The following ESRRG variants were observed in gnomAD, a reference collection of about 807,000 sequenced individuals.
ESRRG encodes the protein estrogen related receptor gamma.
Under a neutral mutation model 44.0 loss-of-function variants are expected in ESRRG, and 13 were observed. The ratio of observed to expected loss-of-function variants is 0.30; its 90% CI spans 0.19 to 0.47. ESRRG has a LOEUF of 0.47. Among genes scored for constraint, ESRRG ranks in the 20% least tolerant of loss-of-function variants. The pLI is 1.00. For synonymous variants in ESRRG, 215 were observed against 214.6 expected (o/e 1.00, Z -0.02); for missense variants, 395 against 580.6 (o/e 0.68, Z 3.29).
At chr1:216,781,527 T>C (rs745585735) in intron 2 of ESRRG, among the ~76,000 whole-genome samples, 1 of 152,028 alleles carries the variant, frequency 6.6e-6, no homozygotes, top group South Asian at 2.1e-4. Flanking sequence ...TTACGTAATG[T>C]CTTCTGCACT....
At chr1:217,074,040 T>C (rs536875587) in intron 1 of ESRRG, among the ~76,000 whole-genome samples, 1 of 151,720 alleles carries the variant, frequency 6.6e-6, no homozygotes, top group East Asian at 1.9e-4. Context: ...TTAGTGTAAT[T>C]ATGAATGCTT....
At chr1:216,583,096 A>C (rs1198764593) in intron 3 of ESRRG, among the ~76,000 whole-genome samples, 1 of 152,208 alleles carries the variant, frequency 6.6e-6, no homozygotes, top group African/African-American at 2.4e-5. Flanking sequence ...TTTTTCTATC[A>C]ACTTTCAAGA....
intron 3 of ESRRG, among the ~76,000 whole-genome samples, chr1:216,601,874 A>T (rs1040838912): frequency 1.3e-5 from 2 of 152,192 alleles, no homozygotes; most frequent in African/African-American, 2.4e-5. Flanking sequence ...GGAATTTTTA[A>T]AAAGTACCCT....
chr1:216,736,549 G>C (rs1559462192), intron 2 of ESRRG, among the ~76,000 whole-genome samples: 2 of 152,120 alleles, frequency 1.3e-5, no homozygotes, highest in Non-Finnish European at 2.9e-5. Flanking sequence ...TTTAGGGTCA[G>C]AGTAAAAATA....
chr1:216,692,700 C>T (rs2079295476), intron 1 of ESRRG, among the ~76,000 whole-genome samples: 1 of 152,142 alleles, frequency 6.6e-6, no homozygotes, highest in African/African-American at 2.4e-5. Flanking sequence ...AATTTCCAGC[C>T]CTGTAAGCTC....
rs2041381321 is a variant in ESRRG, at chr1:216,507,106, C to T, written c.1210G>A (p.Ala404Thr). ...VLHEALQDYE[A>T]GQHMEDPRRA... The stretch of plus-strand genomic sequence containing the variant: ...CGAGGGTCTTCCATGTGCTGGCCAG[C>T]TTCATAATCCTGCAGCGCTTCATGT... The change falls in exon 7 of 7, where the codon GCT (alanine) becomes ACT (threonine). Residue 404 changes from alanine to threonine, a missense_variant. Ala to Thr is a moderately conservative substitution (Grantham distance 58). Coordinates refer to ENST00000408911, the MANE Select transcript of ESRRG (RefSeq NM_001438.4). The T allele has an allele frequency of 6.2e-7, 1 of 1,613,982 alleles. No individual in the cohort carries two copies. The highest frequency in any genetic ancestry group is 8.5e-7 in the Non-Finnish European group (1 of 1,180,006).
intron 2 of ESRRG, among the ~76,000 whole-genome samples, chr1:216,739,810 T>C (rs2090439105): frequency 6.6e-6 from 1 of 152,192 alleles, no homozygotes; most frequent in Non-Finnish European, 1.5e-5. Flanking sequence ...GATGCGCAAA[T>C]GTTTCAAAAC....
At chr1:217,117,990 A>G (rs1451277687) in intron 1 of ESRRG, among the ~76,000 whole-genome samples, 1 of 152,192 alleles carries the variant, frequency 6.6e-6, no homozygotes, top group Non-Finnish European at 1.5e-5. Flanking sequence ...TGTCACCATA[A>G]AGTCCATATC....
intron 1 of ESRRG, among the ~76,000 whole-genome samples, chr1:217,053,499 A>AAGAAAGAAAGAAAGAAAGAC: frequency 6.9e-6 from 1 of 145,396 alleles, no homozygotes; most frequent in Non-Finnish European, 1.5e-5. Flanking sequence ...GAAAGAAAGA[A>AAGAAAGAAAGAAAGAAAGAC]ATGCCTGCTG....
intron 1 of ESRRG, among the ~76,000 whole-genome samples, chr1:216,686,726 G>A (rs1331493482): frequency 6.6e-6 from 1 of 152,108 alleles, no homozygotes; most frequent in East Asian, 1.9e-4. Flanking sequence ...GACAGAGTAG[G>A]AGACATGGGT....
chr1:217,044,858 C>G (rs1485104411), intron 1 of ESRRG, among the ~76,000 whole-genome samples: 3 of 152,164 alleles, frequency 2.0e-5, no homozygotes, highest in Non-Finnish European at 2.9e-5. Context: ...TATCTACCTT[C>G]TATGCTTGTG....
chr1:216,709,963 T>C (rs1431133995), intron 1 of ESRRG, among the ~76,000 whole-genome samples: 1 of 152,226 alleles, frequency 6.6e-6, no homozygotes, highest in African/African-American at 2.4e-5. Flanking sequence ...TTTTCTCTTC[T>C]GAGAGTCTTA....
At chr1:216,813,022 A>G (rs1350763543) in intron 2 of ESRRG, among the ~76,000 whole-genome samples, 2 of 152,314 alleles carry the variant, frequency 1.3e-5, no homozygotes, top group East Asian at 3.9e-4. Flanking sequence ...TGTGCAGCTG[A>G]ACAGCTGAAT....
At chr1:216,628,959 A>G (rs984926863) in intron 3 of ESRRG, among the ~76,000 whole-genome samples, 3 of 152,026 alleles carry the variant, frequency 2.0e-5, no homozygotes, top group South Asian at 2.1e-4. Flanking sequence ...AGCTTGTGCA[A>G]TGACTGACCT....
intron 1 of ESRRG, among the ~76,000 whole-genome samples, chr1:216,720,914 T>C (rs2086121885): frequency 1.3e-5 from 2 of 152,200 alleles, no homozygotes; most frequent in South Asian, 4.1e-4. Context: ...GTGACAACTG[T>C]TAAAACAGTC....
chr1:216,973,353 T>C (rs2072114579), intron 1 of ESRRG, among the ~76,000 whole-genome samples: 2 of 152,164 alleles, frequency 1.3e-5, no homozygotes, highest in African/African-American at 4.8e-5. Context: ...TCTGCTGTCC[T>C]CGCTTTACTT....
At chr1:217,046,031 G>C (rs2084813969) in intron 1 of ESRRG, among the ~76,000 whole-genome samples, 1 of 152,042 alleles carries the variant, frequency 6.6e-6, no homozygotes, top group South Asian at 2.1e-4. Context: ...ATAAGAGCAA[G>C]TAGGTTGGCA....
intron 6 of ESRRG, among the ~76,000 whole-genome samples, chr1:216,511,995 A>G (rs2042864548): frequency 6.6e-6 from 1 of 152,232 alleles, no homozygotes; most frequent in Non-Finnish European, 1.5e-5. Flanking sequence ...TACTTTTCCT[A>G]AACAAATTGT....
At chr1:216,917,795 C>T (rs2061373029) in intron 2 of ESRRG, among the ~76,000 whole-genome samples, 6 of 152,202 alleles carry the variant, frequency 3.9e-5, no homozygotes, top group Admixed American at 3.9e-4. Context: ...ACAGATTGAG[C>T]TATTTCACAA....
Sources: gnomAD v4.1 joint callset for allele counts (sites outside exome capture counted in the v4.1 genomes callset) on GRCh38, gnomAD v4.1.1 for gene constraint, MANE v1.5 for transcripts, NCBI Gene and HGNC (gene_info 2026-07-23, HGNC 2026-07-21) for gene names.